The following OXR1 variants were observed in gnomAD, a reference collection of about 807,000 sequenced individuals.
OXR1 encodes oxidation resistance 1, also known as oxidation resistance protein 1.
Under a neutral mutation model 104.6 loss-of-function variants are expected in OXR1, and 41 were observed. The observed-to-expected ratio is 0.39, with a 90% CI of 0.31 to 0.51. The LOEUF (loss-of-function observed/expected upper bound fraction) is 0.51. OXR1 is among the 20% of genes least tolerant of loss of function. The pLI, the probability that OXR1 is intolerant of heterozygous loss-of-function variation, is 0.77. For synonymous variants in OXR1, 348 were observed against 348.4 expected (o/e 1.00, Z 0.01); for missense variants, 955 against 1,031.9 (o/e 0.93, Z 1.02).
At chr8:106,394,978 G>A (rs1300429344) in intron 2 of OXR1, among the ~76,000 whole-genome samples, 1 of 152,004 alleles carries the variant, frequency 6.6e-6, no homozygotes, top group African/African-American at 2.4e-5. Flanking sequence ...GTTTACAAAT[G>A]TATGTTATAA....
intron 6 of OXR1, among the ~76,000 whole-genome samples, chr8:106,687,513 G>A (rs995442906): frequency 2.0e-5 from 3 of 152,088 alleles, no homozygotes; most frequent in African/African-American, 7.2e-5. Context: ...TTGAGGTCAG[G>A]AGTTCAAGAT....
chr8:106,524,569 T>TGATTAGTC (rs1394193991), intron 3 of OXR1, among the ~76,000 whole-genome samples: 1 of 152,074 alleles, frequency 6.6e-6, no homozygotes, highest in East Asian at 1.9e-4. Flanking sequence ...CACCAAACAG[T>TGATTAGTC]GATTAGTCCC....
At chr8:106,569,891 G>A (rs1399430719) in intron 3 of OXR1, among the ~76,000 whole-genome samples, 11 of 152,190 alleles carry the variant, frequency 7.2e-5, no homozygotes. Flanking sequence ...AATGTGAAAT[G>A]TCTGTGTGGG....
chr8:106,663,364 ATTAAAG>A (rs1240364823), intron 3 of OXR1, among the ~76,000 whole-genome samples: 1 of 152,238 alleles, frequency 6.6e-6, no homozygotes, highest in African/African-American at 2.4e-5. Context: ...CATGTAAGGT[ATTAAAG>A]TTAAATTAGT....
At chr8:106,399,114 G>A (rs1231446481) in intron 2 of OXR1, among the ~76,000 whole-genome samples, 1 of 152,102 alleles carries the variant, frequency 6.6e-6, no homozygotes, top group African/African-American at 2.4e-5. Context: ...TGAAGTTTAA[G>A]TGGAAGTAAC....
At chr8:106,630,778 T>C (rs971979248) in intron 3 of OXR1, among the ~76,000 whole-genome samples, 2 of 152,150 alleles carry the variant, frequency 1.3e-5, no homozygotes, top group South Asian at 4.1e-4. Context: ...CTACTAAGGG[T>C]ATTATTTTTA....
At chr8:106,661,203 A>C (rs1302895763) in intron 3 of OXR1, among the ~76,000 whole-genome samples, 1 of 152,074 alleles carries the variant, frequency 6.6e-6, no homozygotes, top group African/African-American at 2.4e-5. Context: ...AACCAAAAAA[A>C]ACTTTGGTCA....
At chr8:106,462,390 G>A (rs1478706267) in intron 2 of OXR1, among the ~76,000 whole-genome samples, 1 of 152,096 alleles carries the variant, frequency 6.6e-6, no homozygotes, top group Non-Finnish European at 1.5e-5. Context: ...ATGTTAGTTT[G>A]TTTTTTCACC....
At chr8:106,672,249 G>A (rs1203999295) in intron 3 of OXR1, among the ~76,000 whole-genome samples, 1 of 151,418 alleles carries the variant, frequency 6.6e-6, no homozygotes, top group Non-Finnish European at 1.5e-5. Context: ...AGGCCAAAGT[G>A]AGTGGATCGC....
At chr8:106,403,793 T>A (rs1818098534) in intron 2 of OXR1, among the ~76,000 whole-genome samples, 1 of 152,194 alleles carries the variant, frequency 6.6e-6, no homozygotes. Context: ...CCCACACCCT[T>A]AGTATCCATT....
At chr8:106,724,101 G>A (rs1021738389) in intron 11 of OXR1, among the ~76,000 whole-genome samples, 1 of 151,986 alleles carries the variant, frequency 6.6e-6, no homozygotes, top group Admixed American at 6.6e-5. Context: ...TAGTGAGTAG[G>A]GTAAATTATA....
intron 15 of OXR1, among the ~76,000 whole-genome samples, chr8:106,743,738 C>T (rs1835141884): frequency 6.6e-6 from 1 of 152,180 alleles, no homozygotes; most frequent in South Asian, 2.1e-4. Context: ...CCCAGCAAAT[C>T]CCATTACTGG....
At chr8:106,608,984 A>G (rs889895340) in intron 3 of OXR1, among the ~76,000 whole-genome samples, 12 of 152,188 alleles carry the variant, frequency 7.9e-5, no homozygotes, top group Middle Eastern at 3.2e-3. Context: ...CATAAAGCCC[A>G]TTTTGTAGAA....
chr8:106,339,512 AAAAAAAAATAT>A (rs1815121300), intron 1 of OXR1, among the ~76,000 whole-genome samples: 1 of 41,102 alleles, frequency 2.4e-5, no homozygotes, highest in African/African-American at 1.6e-4. Context: ...AAAAAAAAAA[AAAAAAAAATAT>A]ATATATATAT....
chr8:106,747,051 G>A (rs1835454613), intron 16 of OXR1, among the ~76,000 whole-genome samples: 1 of 152,124 alleles, frequency 6.6e-6, no homozygotes, highest in Non-Finnish European at 1.5e-5. Context: ...TTAAAGGAGA[G>A]TACAGCTTCA....
chr8:106,608,842 G>C (rs1370777416), intron 3 of OXR1, among the ~76,000 whole-genome samples: 3 of 152,186 alleles, frequency 2.0e-5, no homozygotes, highest in Admixed American at 1.3e-4. Flanking sequence ...GTTAGGTTTG[G>C]AATGCTGATG....
intron 12 of OXR1, 28 bp downstream of exon 12, chr8:106,737,628 C>G (rs1455040221): frequency 1.0e-6 from 1 of 977,550 alleles, no homozygotes; most frequent in South Asian, 2.5e-5. Flanking sequence ...TTAAACCCCT[C>G]CAGAGACTAA....
chr8:106,415,078 A>G (rs560884431), intron 2 of OXR1, among the ~76,000 whole-genome samples: 2 of 152,220 alleles, frequency 1.3e-5, no homozygotes, highest in African/African-American at 4.8e-5. Context: ...GGCAATGTAA[A>G]CAAGTATGTG....
intron 2 of OXR1, among the ~76,000 whole-genome samples, chr8:106,414,773 A>G (rs1818603807): frequency 6.6e-6 from 1 of 152,128 alleles, no homozygotes; most frequent in Non-Finnish European, 1.5e-5. Context: ...AAGAGTACAG[A>G]CTGGAAAGGA....
Sources: gnomAD v4.1 joint callset for allele counts (sites outside exome capture counted in the v4.1 genomes callset) on GRCh38, gnomAD v4.1.1 for gene constraint, MANE v1.5 for transcripts, NCBI Gene and HGNC (gene_info 2026-07-23, HGNC 2026-07-21) for gene names.